Variants in DAPK1 observed in about 807,000 individuals in gnomAD.
DAPK1 encodes death-associated protein kinase 1.
Under a neutral mutation model 144.9 loss-of-function variants are expected in DAPK1, and 56 were observed. That is an observed-to-expected ratio of 0.39 (90% CI 0.31 to 0.48). The LOEUF (loss-of-function observed/expected upper bound fraction) is 0.48. Ranked by LOEUF, DAPK1 falls within the 20% of genes least tolerant of loss-of-function variation. The probability of loss-of-function intolerance (pLI) is 0.95; values close to 1 mark genes in which losing one functional copy is unlikely to be tolerated. For missense variants in DAPK1, 1,454 were observed against 1,875.4 expected, an observed-to-expected ratio of 0.78 and a Z score of 4.15; for synonymous variants, 690 against 749.0, an observed-to-expected ratio of 0.92 and a Z score of 1.29.
chr9:87,643,027 C>T (rs1271851652), intron 10 of DAPK1, among the ~76,000 whole-genome samples: 1 of 152,098 alleles, frequency 6.6e-6, no homozygotes, highest in Non-Finnish European at 1.5e-5. Flanking sequence ...TGAGGGTGAT[C>T]TGCAAGGGTC....
chr9:87,611,517 G>A (rs1012906173), intron 3 of DAPK1, among the ~76,000 whole-genome samples: 1 of 152,132 alleles, frequency 6.6e-6, no homozygotes, highest in African/African-American at 2.4e-5. Flanking sequence ...GGAATGCAGT[G>A]GTGCAATCAT....
At chr9:87,671,040 G>A (rs1167080771) in intron 19 of DAPK1, among the ~76,000 whole-genome samples, 3 of 152,230 alleles carry the variant, frequency 2.0e-5, no homozygotes, top group Admixed American at 6.5e-5. Context: ...GACCGAGGGA[G>A]AGCAGTGTTG....
rs767152391 is a variant in DAPK1 at position 87,706,282 on chromosome 9, C to T, written c.3211C>T (p.Arg1071Cys). The change falls in exon 26 of 26, where the codon CGC (arginine) becomes TGC (cysteine). Residue 1071 changes from arginine to cysteine, a missense_variant. Transcript: ENST00000408954. The surrounding 1 kb of genome is among the most constrained non-coding windows in gnomAD (Gnocchi z 9.0). ...CCGCTACACCGTGGAGGACATCCAG[C>T]GCCTGGTGCCCGACAGCGACGTGGA... ...RGRYTVEDIQ[R>C]LVPDSDVEEL... is the part of the protein sequence containing the mutation. 3.7e-6 allele frequency: 6 copies of T among 1,612,798 alleles called. No individual in the cohort carries two copies. Among genetic ancestry groups the T allele is most frequent in the Non-Finnish European group, 5.1e-6 (6 of 1,179,236 alleles).
At chr9:87,626,307 C>T (rs767504163) in intron 3 of DAPK1, among the ~76,000 whole-genome samples, 7 of 152,144 alleles carry the variant, frequency 4.6e-5, no homozygotes, top group East Asian at 3.9e-4. Context: ...CCCAGCTACT[C>T]GGGAGGCTGA....
intron 2 of DAPK1, among the ~76,000 whole-genome samples, chr9:87,507,650 T>C (rs1161236875): frequency 6.6e-6 from 1 of 152,168 alleles, no homozygotes; most frequent in Non-Finnish European, 1.5e-5. Flanking sequence ...TGTTGATTTT[T>C]TTTTTCCCTT....
chr9:87,667,515 C>T (rs569371194), intron 18 of DAPK1, among the ~76,000 whole-genome samples: 2 of 152,270 alleles, frequency 1.3e-5, no homozygotes, highest in South Asian at 2.1e-4. Flanking sequence ...AGAGAATTGC[C>T]TGGTGCAAAA....
At chr9:87,663,555 C>T (rs921798829) in intron 18 of DAPK1, among the ~76,000 whole-genome samples, 1 of 152,126 alleles carries the variant, frequency 6.6e-6, no homozygotes, top group African/African-American at 2.4e-5. Context: ...CTTGGCACGC[C>T]CTGACAATCC....
In DAPK1 at chr9:87,623,726, G is replaced by A. The variant is rs577556871; in HGVS notation, c.285-14217G>A. Among the ~76,000 whole-genome samples the A allele has an allele frequency of 5.3e-5, 8 of 152,210 alleles. No individual in the cohort carries two copies. In the South Asian group the frequency reaches 1.2e-3, roughly 24 times the overall value. ...AGAGGAAGGGATTGTGCCGGGGATC[G>A]AGCTAACATTTCCTGTGCAAGGACT... On this transcript the variant is annotated intron_variant, in intron 3 of 25. Coordinates refer to ENST00000408954, the MANE Select transcript of DAPK1 (RefSeq NM_004938.4).
At chr9:87,552,020 A>C (rs1587710733) in intron 2 of DAPK1, among the ~76,000 whole-genome samples, 1 of 152,192 alleles carries the variant, frequency 6.6e-6, no homozygotes, top group African/African-American at 2.4e-5. Flanking sequence ...AGTCCCTGTG[A>C]TAACCAAGAT....
chr9:87,691,801 CTT>C (rs1476665914), intron 21 of DAPK1, among the ~76,000 whole-genome samples: 1 of 152,058 alleles, frequency 6.6e-6, no homozygotes, highest in Non-Finnish European at 1.5e-5. Flanking sequence ...CAAAGTTCCT[CTT>C]GTTATCAATT....
intron 2 of DAPK1, among the ~76,000 whole-genome samples, chr9:87,528,731 G>A (rs1028423922): frequency 6.7e-6 from 1 of 149,494 alleles, no homozygotes; most frequent in Admixed American, 6.7e-5. Context: ...AACTAGCCGG[G>A]TGTGGCGGTG....
intron 2 of DAPK1, among the ~76,000 whole-genome samples, chr9:87,544,264 G>A (rs1383989588): frequency 6.6e-6 from 1 of 152,044 alleles, no homozygotes; most frequent in East Asian, 1.9e-4. Context: ...AATTGTACAA[G>A]CAACATAATT....
intron 19 of DAPK1, among the ~76,000 whole-genome samples, chr9:87,678,142 C>CAGAT (rs1282701392): frequency 1.3e-5 from 2 of 152,174 alleles, no homozygotes; most frequent in Admixed American, 1.3e-4. Context: ...TCGTGTTCTA[C>CAGAT]AGATCATGGT....
chr9:87,582,114 G>A (rs897987231), intron 2 of DAPK1, among the ~76,000 whole-genome samples: 1 of 152,100 alleles, frequency 6.6e-6, no homozygotes, highest in Non-Finnish European at 1.5e-5. Flanking sequence ...CCCGTACCAG[G>A]TGGAGCCTTC....
chr9:87,676,869 C>T (rs1216348905), intron 19 of DAPK1, among the ~76,000 whole-genome samples: 3 of 152,236 alleles, frequency 2.0e-5, no homozygotes, highest in Non-Finnish European at 2.9e-5. Flanking sequence ...CTGTTCCTGT[C>T]TCCTCTGCTT....
At chr9:87,643,238 T>C (rs2378753) in intron 10 of DAPK1, 138 bp from the exon 11 acceptor site, 126,304 of 580,680 alleles carry the variant, frequency 0.22, 15,256 homozygotes, top group African/African-American at 0.39. Context: ...GAGTGTGTGC[T>C]GATAGCAATG....
chr9:87,683,723 G>C (rs866493092), intron 20 of DAPK1, among the ~76,000 whole-genome samples: 5 of 152,158 alleles, frequency 3.3e-5, no homozygotes, highest in Admixed American at 6.5e-5. Flanking sequence ...GTGGCTCTGG[G>C]TGACCCTTTT....
chr9:87,555,724 A>G (rs1464938950), intron 2 of DAPK1, among the ~76,000 whole-genome samples: 1 of 152,180 alleles, frequency 6.6e-6, no homozygotes, highest in Non-Finnish European at 1.5e-5. Context: ...GCTGGTCTCG[A>G]ACTCCCGACC....
At chr9:87,525,891 C>T (rs750642371) in intron 2 of DAPK1, among the ~76,000 whole-genome samples, 1 of 152,118 alleles carries the variant, frequency 6.6e-6, no homozygotes, top group Non-Finnish European at 1.5e-5. Flanking sequence ...GCCTGCAGAT[C>T]GAGTATCCCT....
Sources: gnomAD v4.1 joint callset for allele counts (sites outside exome capture counted in the v4.1 genomes callset) on GRCh38, gnomAD v4.1.1 for gene constraint, Gnocchi (gnomAD v3.1) non-coding constraint, MANE v1.5 for transcripts, NCBI Gene and HGNC (gene_info 2026-07-23, HGNC 2026-07-21) for gene names.